The following USH2A variants were observed in gnomAD, a reference collection of about 807,000 sequenced individuals.
USH2A encodes usherin, also known as Usher syndrome 2A (autosomal recessive, mild).
USH2A carries 443 observed loss-of-function variants against 538.9 expected under a neutral mutation model. The ratio of observed to expected loss-of-function variants is 0.82; its 90% CI spans 0.76 to 0.89. The LOEUF (loss-of-function observed/expected upper bound fraction) is 0.89, where lower values mean the gene tolerates loss of function less well. Among genes scored for constraint, USH2A ranks in the 40% least tolerant of loss-of-function variants. The pLI is 0.00. For synonymous variants in USH2A, 2,413 were observed against 2,273.5 expected, an observed-to-expected ratio of 1.06 and a Z score of -1.75; for missense variants, 6,633 against 6,324.8, an observed-to-expected ratio of 1.05 and a Z score of -1.65.
At chr1:215,849,781 T>A (rs1231363609) in intron 44 of USH2A, among the ~76,000 whole-genome samples, 1 of 152,198 alleles carries the variant, frequency 6.6e-6, no homozygotes, top group East Asian at 1.9e-4. Context: ...GAATGTCAAA[T>A]GTTGAAAGAC....
intron 32 of USH2A, among the ~76,000 whole-genome samples, chr1:216,024,173 A>G (rs2102504556): frequency 6.6e-6 from 1 of 152,246 alleles, no homozygotes; most frequent in African/African-American, 2.4e-5. Context: ...GGGAAACAAA[A>G]TGAAACAAAA....
chr1:215,772,718 A>C (rs1661327263), intron 55 of USH2A, among the ~76,000 whole-genome samples: 1 of 152,210 alleles, frequency 6.6e-6, no homozygotes, highest in African/African-American at 2.4e-5. Flanking sequence ...CACTTTAGCC[A>C]TTATAATTTC....
At chr1:216,359,116 A>G (rs1357609820) in intron 4 of USH2A, among the ~76,000 whole-genome samples, 1 of 152,144 alleles carries the variant, frequency 6.6e-6, no homozygotes, top group Non-Finnish European at 1.5e-5. Context: ...TACTCAAACC[A>G]AGTTCCTAAA....
chr1:216,415,681 T>C (rs1406854713), intron 3 of USH2A, among the ~76,000 whole-genome samples: 3 of 151,958 alleles, frequency 2.0e-5, no homozygotes, highest in South Asian at 2.1e-4. Context: ...CCATCACACC[T>C]GGCTAATTTT....
intron 11 of USH2A, among the ~76,000 whole-genome samples, chr1:216,278,052 T>C (rs1320794924): frequency 2.0e-5 from 3 of 152,178 alleles, no homozygotes; most frequent in Non-Finnish European, 2.9e-5. Context: ...GCAATGGGCC[T>C]TGTATCACAT....
chr1:215,830,878 G>A (rs1461199984), intron 47 of USH2A, among the ~76,000 whole-genome samples: 4 of 152,138 alleles, frequency 2.6e-5, no homozygotes, highest in African/African-American at 9.6e-5. Context: ...CACTGGCAAA[G>A]GAAAACAGAA....
chr1:216,023,280 G>A (rs970709329), intron 32 of USH2A, among the ~76,000 whole-genome samples: 1 of 151,636 alleles, frequency 6.6e-6, no homozygotes. Context: ...TGTGCTTTGG[G>A]ACTCTATGTT....
At chr1:216,185,003 A>G (rs2034570249) in intron 20 of USH2A, among the ~76,000 whole-genome samples, 1 of 152,010 alleles carries the variant, frequency 6.6e-6, no homozygotes, top group African/African-American at 2.4e-5. Flanking sequence ...GTAATTTCTC[A>G]TAAGAAGGGT....
intron 21 of USH2A, among the ~76,000 whole-genome samples, chr1:216,159,707 T>A (rs1027218846): frequency 2.0e-5 from 3 of 152,130 alleles, no homozygotes; most frequent in African/African-American, 7.2e-5. Flanking sequence ...TTTTCTATTT[T>A]CTGTAAGAGT....
intron 21 of USH2A, among the ~76,000 whole-genome samples, chr1:216,135,890 A>C (rs1043905039): frequency 6.6e-6 from 1 of 152,080 alleles, no homozygotes; most frequent in African/African-American, 2.4e-5. Flanking sequence ...ATATTGAACA[A>C]TGAGTTTCTG....
intron 44 of USH2A, among the ~76,000 whole-genome samples, chr1:215,848,370 T>C (rs191855151): frequency 7.9e-5 from 12 of 152,358 alleles, no homozygotes; most frequent in Admixed American, 1.3e-4. Flanking sequence ...CACTTACGTA[T>C]ATAAATTAAT....
chr1:216,387,469 T>G (rs1201614169), intron 3 of USH2A, among the ~76,000 whole-genome samples: 1 of 152,244 alleles, frequency 6.6e-6, no homozygotes, highest in African/African-American at 2.4e-5. Flanking sequence ...TCACGCAAGT[T>G]AAACTATCCA....
chr1:216,261,393 T>C (rs2036367850), intron 11 of USH2A, among the ~76,000 whole-genome samples: 2 of 151,208 alleles, frequency 1.3e-5, no homozygotes, highest in Admixed American at 1.3e-4. Context: ...GGTAGAAGTA[T>C]TGTTAGAGCC....
Position 215,674,136 on chromosome 1 carries a change from T to G in USH2A, c.13775A>C (p.Gln4592Pro). 6.2e-7 allele frequency: 1 copy of G among 1,614,164 alleles called. No homozygotes were observed. Among genetic ancestry groups the G allele is most frequent in the Non-Finnish European group, 8.5e-7 (1 of 1,180,014 alleles). The change falls in exon 63 of 72, where the codon CAG becomes CCG. Residue 4592 changes from glutamine (Q) to proline (P), a missense_variant. Gln to Pro is a moderately conservative substitution (Grantham distance 76). Transcript: ENST00000307340. ...CTTCAGCTGGTTTACTATATATGAC[T>G]GCATACCAAAAGAATTATGAGTTGT... ...INTTHNSFGM[Q>P]SYIVNQLKPF...
chr1:215,664,767 C>T (rs990161200), intron 64 of USH2A, among the ~76,000 whole-genome samples: 6 of 152,144 alleles, frequency 3.9e-5, no homozygotes, highest in African/African-American at 1.2e-4. Flanking sequence ...GACTAGTGTT[C>T]TTCTACCTGG....
rs773539548 is a variant in USH2A at position 216,196,649 on chromosome 1, T to G, written c.4155A>C (p.Pro1385=). ...CTTTTCCTCTTGTAACATTATCTGC[T>G]GGCTTCTCCCAGGAGATATTGAGAG... ...SYSLNISWEK[P]ADNVTRGKVV... is the part of the protein sequence containing the mutation. Residue 1385 remains proline (P), a synonymous_variant, in exon 19 of 72, where the codon CCA becomes CCC. Coordinates refer to ENST00000307340, the MANE Select transcript of USH2A (RefSeq NM_206933.4). 6.2e-7 allele frequency: 1 copy of G among 1,613,606 alleles called. No homozygotes were observed. Among genetic ancestry groups the G allele is most frequent in the Non-Finnish European group, 8.5e-7 (1 of 1,179,712 alleles).
intron 41 of USH2A, among the ~76,000 whole-genome samples, chr1:215,883,374 G>A (rs1159891897): frequency 6.6e-6 from 1 of 151,772 alleles, no homozygotes; most frequent in Non-Finnish European, 1.5e-5. Context: ...TGGTGGGTGG[G>A]GGGGAAGTTT....
chr1:215,716,743 A>T (rs1301993236), intron 61 of USH2A, among the ~76,000 whole-genome samples: 1 of 152,202 alleles, frequency 6.6e-6, no homozygotes, highest in East Asian at 1.9e-4. Context: ...TAAAATGTTT[A>T]AAAATGAGTT....
At chr1:215,708,977 G>T (rs1659261468) in intron 61 of USH2A, among the ~76,000 whole-genome samples, 1 of 152,104 alleles carries the variant, frequency 6.6e-6, no homozygotes, top group Non-Finnish European at 1.5e-5. Flanking sequence ...TCAAATTTAT[G>T]ATTCAAATAT....
Sources: gnomAD v4.1 joint callset for allele counts (sites outside exome capture counted in the v4.1 genomes callset) on GRCh38, gnomAD v4.1.1 for gene constraint, MANE v1.5 for transcripts, NCBI Gene and HGNC (gene_info 2026-07-23, HGNC 2026-07-21) for gene names.